PIBF1: variants seen among roughly 807,000 people sequenced by gnomAD.
PIBF1 encodes progesterone immunomodulatory binding factor 1, also known as progesterone-induced-blocking factor 1.
PIBF1 carries 90 observed loss-of-function variants against 112.5 expected under a neutral mutation model. That is an observed-to-expected ratio of 0.80 (90% confidence interval 0.67 to 0.95). PIBF1 has a LOEUF of 0.95. PIBF1 is among the 40% of genes least tolerant of loss of function. PIBF1 has a pLI of 0.00. For missense variants in PIBF1, 915 were observed against 852.3 expected, an observed-to-expected ratio of 1.07 and a Z score of -0.92; for synonymous variants, 301 against 288.6, an observed-to-expected ratio of 1.04 and a Z score of -0.44.
At chr13:72,944,359 A>G (rs767899476) in intron 14 of PIBF1, among the ~76,000 whole-genome samples, 12 of 151,804 alleles carry the variant, frequency 7.9e-5, no homozygotes, top group Admixed American at 2.6e-4. Flanking sequence ...AGGCATGAGA[A>G]TCGGTTGAAC....
intron 9 of PIBF1, 152 bp from the exon 10 acceptor site, chr13:72,853,905 T>C (rs2038288907): frequency 3.4e-6 from 2 of 594,894 alleles, no homozygotes; most frequent in African/African-American, 3.7e-5. Context: ...TGCTCTTAGA[T>C]ACTCAACCAA....
At chr13:72,895,727 A>ATCCAGAATGTGAATTTTAGC (rs2040255532) in intron 11 of PIBF1, among the ~76,000 whole-genome samples, 1 of 151,538 alleles carries the variant, frequency 6.6e-6, no homozygotes, top group Admixed American at 6.6e-5. Flanking sequence ...TAGAAGGTTG[A>ATCCAGAATGTGAATTTTAGC]TCCAGATTGT....
intron 9 of PIBF1, among the ~76,000 whole-genome samples, chr13:72,836,957 A>G (rs1476247447): frequency 2.6e-5 from 4 of 152,086 alleles, no homozygotes; most frequent in South Asian, 2.1e-4. Context: ...TGTGTATTCA[A>G]CAGATACTTT....
At chr13:72,937,288 T>G (rs2041895505) in intron 14 of PIBF1, among the ~76,000 whole-genome samples, 1 of 152,228 alleles carries the variant, frequency 6.6e-6, no homozygotes, top group Non-Finnish European at 1.5e-5. Context: ...TCATTTTATC[T>G]TATTGTTGCT....
chr13:73,005,679 A>G (rs2139045852), intron 17 of PIBF1, among the ~76,000 whole-genome samples: 1 of 152,268 alleles, frequency 6.6e-6, no homozygotes, highest in Middle Eastern at 3.4e-3. Flanking sequence ...TAGACAAGTG[A>G]CAAGGATGCC....
At chr13:72,901,037 A>AAAAC (rs562082969) in intron 11 of PIBF1, 2 of 434,608 alleles carry the variant, frequency 4.6e-6, no homozygotes, top group Admixed American at 2.7e-5. Flanking sequence ...CAAAAAGCAA[A>AAAAC]AAACAAACAA....
At chr13:72,973,113 TAAGAG>T (rs1358722300) in intron 15 of PIBF1, among the ~76,000 whole-genome samples, 1 of 152,136 alleles carries the variant, frequency 6.6e-6, no homozygotes, top group African/African-American at 2.4e-5. Flanking sequence ...AATGGATTCT[TAAGAG>T]AAGAAAAGCT....
intron 8 of PIBF1, among the ~76,000 whole-genome samples, chr13:72,832,343 C>A (rs893348226): frequency 6.6e-6 from 1 of 151,928 alleles, no homozygotes; most frequent in Non-Finnish European, 1.5e-5. Flanking sequence ...TTAGTTGATG[C>A]AGTTTCTTCA....
chr13:72,835,232 A>G lies in PIBF1; in HGVS notation c.1098-11A>G, dbSNP rs1329413408. 2 of 1,526,366 alleles carry G rather than the reference A, an allele frequency of 1.3e-6. No homozygotes were observed. Among genetic ancestry groups the G allele is most frequent in the Non-Finnish European group, 1.7e-6 (2 of 1,143,984 alleles). 94.6% of individuals were successfully genotyped at this position (1,526,366 alleles called of 1,614,324 possible). A position where few individuals can be genotyped will look rare whatever the true frequency, so the allele number is the denominator to read the frequency against. On this transcript the variant is annotated splice_polypyrimidine_tract_variant and intron_variant, in intron 8 of 17. Coordinates refer to ENST00000326291, the MANE Select transcript of PIBF1 (RefSeq NM_006346.4). The stretch of plus-strand genomic sequence containing the variant: ...AGAAAATTTATGGTTGTTCCTTTTC[A>G]CTCCTTGCAGAGACCATTATAAAAC...
At chr13:73,005,278 G>A (rs4885055) in intron 17 of PIBF1, among the ~76,000 whole-genome samples, 43,869 of 150,180 alleles carry the variant, frequency 0.29, 7,503 homozygotes, top group East Asian at 0.58. Flanking sequence ...AAACTTTTGT[G>A]AGATCCTACC....
At chr13:73,005,794 A>C (rs769093337) in intron 17 of PIBF1, among the ~76,000 whole-genome samples, 13 of 152,156 alleles carry the variant, frequency 8.5e-5, no homozygotes, top group Non-Finnish European at 1.9e-4. Context: ...ACAACAGGAT[A>C]ACTGAACTTG....
intron 10 of PIBF1, among the ~76,000 whole-genome samples, chr13:72,884,089 C>T (rs953563697): frequency 3.9e-5 from 6 of 152,054 alleles, no homozygotes; most frequent in African/African-American, 1.2e-4. Context: ...ATCCCATATA[C>T]GTACTACGTA....
chr13:72,908,713 T>A, intron 12 of PIBF1, 32 bp downstream of exon 12: 10 of 1,389,110 alleles, frequency 7.2e-6, no homozygotes, highest in Non-Finnish European at 9.7e-6. Context: ...CATGCACAAC[T>A]TTTTTTTTTC....
At chr13:73,013,756 AAAAG>A (rs202037898) in intron 17 of PIBF1, among the ~76,000 whole-genome samples, 13,890 of 145,442 alleles carry the variant, frequency 0.096, 781 homozygotes, top group Non-Finnish European at 0.15. Flanking sequence ...AAAAAAAAGA[AAAAG>A]AAAAAATCCT....
At chr13:72,866,409 T>C (rs1056850949) in intron 10 of PIBF1, among the ~76,000 whole-genome samples, 12 of 152,200 alleles carry the variant, frequency 7.9e-5, no homozygotes, top group African/African-American at 2.9e-4. Context: ...ACATTTTATT[T>C]TGAAATGATT....
intron 5 of PIBF1, among the ~76,000 whole-genome samples, chr13:72,802,463 G>A (rs1269248787): frequency 6.6e-6 from 1 of 152,144 alleles, no homozygotes; most frequent in Non-Finnish European, 1.5e-5. Context: ...AGCAGGGGAA[G>A]TGGTAGATTC....
Position 72,987,858 on chromosome 13 carries a change from A to ATTTATTTTTT in PIBF1, c.2050-10961_2050-10960insATTTTTTTTT, listed in dbSNP as rs1345167411. Among the ~76,000 whole-genome samples the ATTTATTTTTT allele has an allele frequency of 3.6e-4, 21 of 58,112 alleles. 2 individuals are homozygous for ATTTATTTTTT. Among genetic ancestry groups the ATTTATTTTTT allele is most frequent in the African/African-American group, 2.0e-3 (21 of 10,714 alleles). 38.1% of individuals were successfully genotyped at this position (58,112 alleles called of 152,430 possible). A position where few individuals can be genotyped will look rare whatever the true frequency, so the allele number is the denominator to read the frequency against. ...TTGTAATTTATTTATTTATTTATTT[A>ATTTATTTTTT]TTTTTTTTTTTTTTTTTTTTTTTGA... On this transcript the variant is annotated intron_variant, in intron 16 of 17. Transcript: ENST00000326291.
chr13:72,985,818 A>G (rs1454585769), intron 16 of PIBF1, among the ~76,000 whole-genome samples: 2 of 152,056 alleles, frequency 1.3e-5, no homozygotes, highest in African/African-American at 2.4e-5. Context: ...GAAAATCAAC[A>G]AGAATATGCA....
intron 16 of PIBF1, among the ~76,000 whole-genome samples, chr13:72,987,505 T>C (rs1463206710): frequency 6.6e-6 from 1 of 152,038 alleles, no homozygotes; most frequent in African/African-American, 2.4e-5. Flanking sequence ...ATTGTGTGTA[T>C]CACAGACATT....
Sources: gnomAD v4.1 joint callset for allele counts (sites outside exome capture counted in the v4.1 genomes callset) on GRCh38, gnomAD v4.1.1 for gene constraint, MANE v1.5 for transcripts, NCBI Gene and HGNC (gene_info 2026-07-23, HGNC 2026-07-21) for gene names.